CPA6: variants seen among roughly 807,000 people sequenced by gnomAD.
CPA6 encodes carboxypeptidase B.
Under a neutral mutation model 63.3 loss-of-function variants are expected in CPA6, and 58 were observed. The ratio of observed to expected loss-of-function variants is 0.92; its 90% CI spans 0.74 to 1.14. The LOEUF is 1.14. Ranked by LOEUF, CPA6 falls within the 50% of genes most tolerant of loss-of-function variation. The pLI, the probability that CPA6 is intolerant of heterozygous loss-of-function variation, is 0.00. For synonymous variants in CPA6, 185 were observed against 179.0 expected (o/e 1.03, Z -0.27); for missense variants, 565 against 526.6 (o/e 1.07, Z -0.71).
At chr8:67,658,773 TC>T (rs1447160269) in intron 1 of CPA6, among the ~76,000 whole-genome samples, 1 of 152,056 alleles carries the variant, frequency 6.6e-6, no homozygotes. Flanking sequence ...GAAAGTGAGG[TC>T]CTGTCTTTGA....
chr8:67,514,667 A>G (rs778649324), intron 3 of CPA6, among the ~76,000 whole-genome samples: 4 of 152,364 alleles, frequency 2.6e-5, no homozygotes, highest in Non-Finnish European at 2.9e-5. Context: ...ATTTTATTCT[A>G]TATCAGTTCC....
intron 1 of CPA6, among the ~76,000 whole-genome samples, chr8:67,657,789 C>T (rs998554817): frequency 2.6e-5 from 4 of 152,244 alleles, no homozygotes; most frequent in African/African-American, 9.6e-5. Flanking sequence ...AATGACTCCA[C>T]TGGTTCTGCA....
At chr8:67,624,125 T>C in intron 2 of CPA6, 51 bp downstream of exon 2, 4 of 1,141,800 alleles carry the variant, frequency 3.5e-6, no homozygotes, top group Non-Finnish European at 4.0e-6. Context: ...CAAATCCCTG[T>C]AAACACTCCA....
At chr8:67,584,181 A>C (rs1813858531) in intron 2 of CPA6, among the ~76,000 whole-genome samples, 1 of 152,094 alleles carries the variant, frequency 6.6e-6, no homozygotes, top group Admixed American at 6.6e-5. Context: ...AAAAACAAAC[A>C]AAAAAAGTGC....
At chr8:67,739,447 C>T (rs966916433) in intron 1 of CPA6, among the ~76,000 whole-genome samples, 16 of 152,206 alleles carry the variant, frequency 1.1e-4, no homozygotes, top group African/African-American at 3.9e-4. Context: ...ATTAACTACA[C>T]ACTAACTTGT....
At chr8:67,500,854 G>C (rs1023861041) in intron 6 of CPA6, among the ~76,000 whole-genome samples, 1 of 148,700 alleles carries the variant, frequency 6.7e-6, no homozygotes, top group Non-Finnish European at 1.5e-5. Flanking sequence ...TTGCATTTTT[G>C]TCAAAAGTCA....
chr8:67,739,876 A>G (rs932196040), intron 1 of CPA6, among the ~76,000 whole-genome samples: 1 of 152,198 alleles, frequency 6.6e-6, no homozygotes, highest in East Asian at 1.9e-4. Context: ...AGAATGGCAG[A>G]TCAGTTAGGA....
chr8:67,488,442 T>C (rs894062682), intron 6 of CPA6, among the ~76,000 whole-genome samples: 2 of 152,212 alleles, frequency 1.3e-5, no homozygotes, highest in African/African-American at 4.8e-5. Context: ...CCCATGCTGT[T>C]GTGGTTACTG....
chr8:67,555,128 A>T (rs1325987352), intron 2 of CPA6, among the ~76,000 whole-genome samples: 1 of 152,176 alleles, frequency 6.6e-6, no homozygotes. Flanking sequence ...TTTTGTCCCC[A>T]GTTCCTGGCA....
At chr8:67,662,509 T>G (rs567351899) in intron 1 of CPA6, among the ~76,000 whole-genome samples, 2 of 101,070 alleles carry the variant, frequency 2.0e-5, no homozygotes, top group African/African-American at 1.1e-4. Context: ...TATATGTATA[T>G]AATACATACA....
intron 2 of CPA6, among the ~76,000 whole-genome samples, chr8:67,593,829 C>T (rs1442451020): frequency 6.7e-6 from 1 of 148,682 alleles, no homozygotes; most frequent in Non-Finnish European, 1.5e-5. Flanking sequence ...GGTCTTGACT[C>T]TTTATCCAAC....
At chr8:67,659,587 G>T (rs780258043) in intron 1 of CPA6, among the ~76,000 whole-genome samples, 31 of 152,104 alleles carry the variant, frequency 2.0e-4, no homozygotes, top group Non-Finnish European at 4.1e-4. Context: ...GTCTCCTGGC[G>T]CTTGGATTAT....
intron 6 of CPA6, among the ~76,000 whole-genome samples, chr8:67,503,302 G>A (rs972133871): frequency 3.3e-5 from 5 of 150,102 alleles, no homozygotes; most frequent in African/African-American, 2.5e-5. Flanking sequence ...GCCTCCCAGA[G>A]TCTTATTTAT....
chr8:67,612,072 T>G (rs1814819969), intron 2 of CPA6, among the ~76,000 whole-genome samples: 1 of 152,268 alleles, frequency 6.6e-6, no homozygotes, highest in South Asian at 2.1e-4. Context: ...GTCTGTTTCC[T>G]GACTGGACCT....
At chr8:67,562,393 G>C (rs2128974724) in intron 2 of CPA6, among the ~76,000 whole-genome samples, 1 of 152,260 alleles carries the variant, frequency 6.6e-6, no homozygotes, top group African/African-American at 2.4e-5. Context: ...GGCCCTGACA[G>C]AATGTCTGAC....
intron 2 of CPA6, among the ~76,000 whole-genome samples, chr8:67,518,902 C>T (rs1309851467): frequency 1.3e-5 from 2 of 152,146 alleles, no homozygotes; most frequent in Non-Finnish European, 2.9e-5. Flanking sequence ...ATAAACATCC[C>T]TTTTCAAGGA....
intron 1 of CPA6, among the ~76,000 whole-genome samples, chr8:67,704,344 T>C (rs1315643382): frequency 1.3e-5 from 2 of 152,204 alleles, no homozygotes; most frequent in Non-Finnish European, 2.9e-5. Flanking sequence ...CAGCCCCTTG[T>C]AGCAGTTAGC....
At chr8:67,549,646 T>C (rs1187361677) in intron 2 of CPA6, among the ~76,000 whole-genome samples, 15 of 152,150 alleles carry the variant, frequency 9.9e-5, no homozygotes, top group Admixed American at 9.8e-4. Context: ...TTTCCCCCCA[T>C]CTCTCCAGCC....
At chr8:67,461,517 C>T (rs1001815600) in intron 8 of CPA6, among the ~76,000 whole-genome samples, 4 of 152,140 alleles carry the variant, frequency 2.6e-5, no homozygotes, top group Admixed American at 6.5e-5. Context: ...CACCTTTCCC[C>T]GCTTTCTATT....
Sources: gnomAD v4.1 joint callset for allele counts (sites outside exome capture counted in the v4.1 genomes callset) on GRCh38, gnomAD v4.1.1 for gene constraint, MANE v1.5 for transcripts, NCBI Gene and HGNC (gene_info 2026-07-23, HGNC 2026-07-21) for gene names.